SLMAP: variants seen among roughly 807,000 people sequenced by gnomAD.
The protein encoded by SLMAP is sarcolemma associated protein, also known as sarcolemmal membrane-associated protein.
A neutral mutation model predicts 128.8 loss-of-function variants in SLMAP; 44 were observed. The ratio of observed to expected loss-of-function variants is 0.34; its 90% CI spans 0.27 to 0.44. SLMAP has a LOEUF of 0.44. Among genes scored for constraint, SLMAP ranks in the 20% least tolerant of loss-of-function variants. The pLI, the probability that SLMAP is intolerant of heterozygous loss-of-function variation, is 1.00. For missense variants in SLMAP, 787 were observed against 985.3 expected (o/e 0.80, Z 2.69); for synonymous variants, 327 against 348.8 (o/e 0.94, Z 0.70).
intron 17 of SLMAP, among the ~76,000 whole-genome samples, chr3:57,904,106 A>G (rs1320851505): frequency 1.3e-5 from 2 of 149,698 alleles, no homozygotes; most frequent in Non-Finnish European, 2.9e-5. Context: ...TCTGCACACT[A>G]ACTATTCGAT....
chr3:57,770,698 C>T (rs1000227790), intron 2 of SLMAP, among the ~76,000 whole-genome samples: 2 of 152,100 alleles, frequency 1.3e-5, no homozygotes, highest in South Asian at 2.1e-4. Flanking sequence ...GGCTAATAAT[C>T]GTATTTACTT....
intron 15 of SLMAP, among the ~76,000 whole-genome samples, chr3:57,892,590 G>A (rs2096109530): frequency 6.6e-6 from 1 of 152,024 alleles, no homozygotes; most frequent in South Asian, 2.1e-4. Flanking sequence ...GATTTGATTT[G>A]CCTCTATGTA....
rs146313438 is a variant in SLMAP at position 57,913,201 on chromosome 3, C to T, written c.2064C>T (p.Thr688=). Residue 688 remains threonine, a synonymous_variant, in exon 21 of 25, where the codon ACC becomes ACT. Transcript: ENST00000671191. ...KLRKEWNALE[T]ECHSLKRENV... is the part of the protein sequence containing the mutation. ...GAAAGGAATGGAATGCATTGGAAAC[C>T]GAATGCCATTCTCTAAAAAGGGAAA... 1,296 of 1,598,420 alleles carry T rather than the reference C, an allele frequency of 8.1e-4. 12 individuals carry two copies. The African/African-American group carries it at 0.01, about 12-fold the overall frequency.
chr3:57,894,063 A>G (rs1367779817), intron 15 of SLMAP, among the ~76,000 whole-genome samples: 1 of 152,194 alleles, frequency 6.6e-6, no homozygotes, highest in Admixed American at 6.5e-5. Flanking sequence ...TTTGACAGTA[A>G]TGGTTTTAGA....
At chr3:57,850,324 T>A (rs1204783028) in intron 6 of SLMAP, among the ~76,000 whole-genome samples, 1 of 152,194 alleles carries the variant, frequency 6.6e-6, no homozygotes, top group African/African-American at 2.4e-5. Context: ...TGAAGAAAGA[T>A]AAAAGAGTCA....
intron 2 of SLMAP, among the ~76,000 whole-genome samples, chr3:57,767,767 T>G (rs901263514): frequency 6.6e-6 from 1 of 152,316 alleles, no homozygotes; most frequent in African/African-American, 2.4e-5. Context: ...GGGAGTTTTT[T>G]TCCCCCCAAA....
At chr3:57,913,468 C>A (rs1366217164) in intron 21 of SLMAP, among the ~76,000 whole-genome samples, 193 bp downstream of exon 21, 1 of 152,046 alleles carries the variant, frequency 6.6e-6, no homozygotes, top group African/African-American at 2.4e-5. Flanking sequence ...CCACCATTAT[C>A]CTACATGTCC....
Position 57,808,829 on chromosome 3 carries a change from G to A in SLMAP, c.199-22554G>A, listed in dbSNP as rs564877893. On this transcript the variant is annotated intron_variant, in intron 2 of 24. Transcript: ENST00000671191. ...AATATCCTTGTTAATTTTCTGTCTC[G>A]TTGATCTAATATTGACAGTAGGGTG... is the stretch of plus-strand genomic sequence containing the variant. Among the ~76,000 whole-genome samples, 361 of 152,224 alleles carry A rather than the reference G, an allele frequency of 2.4e-3. 1 individual carries two copies. Among genetic ancestry groups the A allele is most frequent in the Non-Finnish European group, 3.8e-3 (256 of 68,014 alleles).
intron 6 of SLMAP, among the ~76,000 whole-genome samples, chr3:57,856,477 G>A (rs2153591643): frequency 6.6e-6 from 1 of 152,040 alleles, no homozygotes; most frequent in South Asian, 2.1e-4. Flanking sequence ...GAAGACATAA[G>A]CACACACATT....
At chr3:57,823,803 C>G (rs986232733) in intron 2 of SLMAP, among the ~76,000 whole-genome samples, 1 of 152,178 alleles carries the variant, frequency 6.6e-6, no homozygotes, top group Non-Finnish European at 1.5e-5. Context: ...ACACTGACTT[C>G]CACAATGGTT....
rs957203494 is a variant in SLMAP at position 57,848,513 on chromosome 3, TCTTCTTCCTTCTTTCTC to T, written c.457-1229_457-1213del. Among the ~76,000 whole-genome samples the T allele has an allele frequency of 5.8e-4, 88 of 150,730 alleles. 1 individual carries two copies. In the East Asian group the frequency reaches 0.016, roughly 27 times the overall value. On this transcript the variant is annotated intron_variant, in intron 5 of 24. Transcript: ENST00000671191. Reference sequence around the variant, plus strand: ...CTCCTCCTACTTCCTTCTTCTTTCTTCTTCTTCCTTCTTTCTCCTTCTTCCTTCCCTTTTTCCTCCCT... The same window carrying T: ...CTCCTCCTACTTCCTTCTTCTTTCTTCTTCTTCCTTCCCTTTTTCCTCCCT...
chr3:57,848,179 C>G (rs1289195168), intron 5 of SLMAP, among the ~76,000 whole-genome samples: 1 of 147,358 alleles, frequency 6.8e-6, no homozygotes. Context: ...TGCTCCTGCT[C>G]CTCCTCCTCC....
At chr3:57,836,108 G>GTT (rs1560168298) in intron 3 of SLMAP, among the ~76,000 whole-genome samples, 1 of 152,050 alleles carries the variant, frequency 6.6e-6, no homozygotes, top group Non-Finnish European at 1.5e-5. Flanking sequence ...AGAATCAATT[G>GTT]TTTTTAATAA....
rs2077818651 is a variant in SLMAP, at chr3:57,757,423, T to C, written c.-229T>C. The C allele has an allele frequency of 1.7e-6, 1 of 575,926 alleles. No individual in the cohort carries two copies. Among genetic ancestry groups the C allele is most frequent in the South Asian group, 2.0e-5 (1 of 48,832 alleles). The allele number at this position is 575,926 out of a possible 1,614,324, so 35.7% of individuals were successfully genotyped here. A position where few individuals can be genotyped will look rare whatever the true frequency, so the allele number is the denominator to read the frequency against. ...ACTGAAAGCTGCCAGTTGGGGACTT[T>C]TTGTGATCACGGCGTTGCAGCGTTT... On this transcript the variant is annotated 5_prime_UTR_variant, in exon 2 of 25. Coordinates refer to ENST00000671191, the MANE Select transcript of SLMAP (RefSeq NM_001377540.1).
At chr3:57,779,171 A>G (rs1242366263) in intron 2 of SLMAP, among the ~76,000 whole-genome samples, 1 of 152,308 alleles carries the variant, frequency 6.6e-6, no homozygotes. Context: ...AAAAAGAGCA[A>G]GGTGCAAAAG....
At chr3:57,849,627 C>A in intron 5 of SLMAP, 127 bp from the exon 6 acceptor site, 1 of 620,376 alleles carries the variant, frequency 1.6e-6, no homozygotes, top group Non-Finnish European at 2.9e-6. Flanking sequence ...TGCCTTTGTG[C>A]TATAAATTTG....
At chr3:57,773,510 G>C (rs1262853243) in intron 2 of SLMAP, among the ~76,000 whole-genome samples, 2 of 152,146 alleles carry the variant, frequency 1.3e-5, no homozygotes, top group Non-Finnish European at 2.9e-5. Context: ...TTCTGTACAG[G>C]GTTGATGGGA....
intron 2 of SLMAP, among the ~76,000 whole-genome samples, chr3:57,778,819 A>T (rs1346586220): frequency 1.3e-5 from 2 of 151,976 alleles, no homozygotes; most frequent in Non-Finnish European, 2.9e-5. Flanking sequence ...AATCTTAGGT[A>T]ATTGAGTTAA....
chr3:57,767,372 C>T (rs750713251), intron 2 of SLMAP, among the ~76,000 whole-genome samples: 2 of 152,206 alleles, frequency 1.3e-5, no homozygotes, highest in African/African-American at 2.4e-5. Flanking sequence ...GTTTGTATTT[C>T]TGCAAACCTG....
Sources: allele counts gnomAD v4.1 joint callset (sites outside exome capture counted in the v4.1 genomes callset), GRCh38; gene constraint gnomAD v4.1.1; transcripts MANE v1.5; gene names NCBI Gene and HGNC (gene_info 2026-07-23, HGNC 2026-07-21).